Variants in CDH26 observed in about 807,000 individuals in gnomAD.
The protein encoded by CDH26 is cadherin 26.
Under a neutral mutation model 90.3 loss-of-function variants are expected in CDH26, and 83 were observed. The observed-to-expected ratio is 0.92, with a 90% CI of 0.77 to 1.10. The LOEUF is 1.10. CDH26 is among the 50% of genes least tolerant of loss of function. The pLI is 0.00. For missense variants in CDH26, 1,013 were observed against 1,037.6 expected, an observed-to-expected ratio of 0.98 and a Z score of 0.33; for synonymous variants, 397 against 396.3, an observed-to-expected ratio of 1.00 and a Z score of -0.02.
Position 60,012,905 on chromosome 20 carries a change from C to G in CDH26, c.*175C>G, listed in dbSNP as rs1163643333. 1.7e-6 allele frequency: 1 copy of G among 576,800 alleles called. No homozygotes were observed. Among genetic ancestry groups the G allele is most frequent in the African/African-American group, 1.9e-5 (1 of 52,818 alleles). 35.7% of individuals were successfully genotyped at this position (576,800 alleles called of 1,614,324 possible). A position where few individuals can be genotyped will look rare whatever the true frequency, so the allele number is the denominator to read the frequency against. Reference sequence around the variant, plus strand: ...GCTTTGATATTCTCAGATCAGCCATCTTGAACCAAAGCAAAACCACAAGTT... The same window carrying G: ...GCTTTGATATTCTCAGATCAGCCATGTTGAACCAAAGCAAAACCACAAGTT... On this transcript the variant is annotated 3_prime_UTR_variant, in exon 18 of 18. Coordinates refer to ENST00000348616, the MANE Select transcript of CDH26 (RefSeq NM_177980.4).
At chr20:59,968,045 CTCTCTCTG>C (rs1401864012) in intron 1 of CDH26, among the ~76,000 whole-genome samples, 1 of 129,138 alleles carries the variant, frequency 7.7e-6, no homozygotes, top group Non-Finnish European at 1.5e-5. Flanking sequence ...CTCTCTCTCT[CTCTCTCTG>C]TCTCTCTCTC....
intron 4 of CDH26, 91 bp downstream of exon 4, chr20:59,972,214 C>A: frequency 1.6e-6 from 2 of 1,234,282 alleles, no homozygotes; most frequent in Non-Finnish European, 2.3e-6. Flanking sequence ...TGACTATGTG[C>A]CAGGTTCCGG....
At chr20:60,004,793 A>G (rs554490321) in intron 16 of CDH26, among the ~76,000 whole-genome samples, 261 of 151,780 alleles carry the variant, frequency 1.7e-3, no homozygotes, top group Non-Finnish European at 2.3e-3. Context: ...AAAGAAAAGA[A>G]AAAAACACCT....
chr20:60,029,429 A>ATAGCACCTATAGTCAACAACT (rs2062024035), intron 7 of CDH26, among the ~76,000 whole-genome samples: 1 of 120,016 alleles, frequency 8.3e-6, no homozygotes, highest in Admixed American at 8.1e-5. Flanking sequence ...AGTCAACAAC[A>ATAGCACCTATAGTCAACAACT]TAGCACCTAT....
chr20:60,001,212 C>T, intron 14 of CDH26, 131 bp from the exon 15 acceptor site: 1 of 1,100,918 alleles, frequency 9.1e-7, no homozygotes, highest in South Asian at 1.4e-5. Flanking sequence ...CCCTCCCTCT[C>T]ATCGTGTTAA....
At chr20:59,989,848 GT>G (rs968043523) in intron 9 of CDH26, among the ~76,000 whole-genome samples, 2 of 151,928 alleles carry the variant, frequency 1.3e-5, no homozygotes, top group Non-Finnish European at 2.9e-5. Context: ...AAAAGTGAGG[GT>G]TTTTTTTGTA....
At chr20:59,964,021 C>A (rs2035925518) in intron 1 of CDH26, among the ~76,000 whole-genome samples, 1 of 152,194 alleles carries the variant, frequency 6.6e-6, no homozygotes, top group African/African-American at 2.4e-5. Flanking sequence ...TATGGCTAGT[C>A]ATTACTTGTC....
Position 60,012,421 on chromosome 20 carries a change from G to A in CDH26, c.2296-106G>A, listed in dbSNP as rs1163203579. Reference sequence around the variant, plus strand: ...TGTCAGCTGAGGACACGGGGCCTGAGTGCTGTTACTACTGCATTGATGTGT... The same window carrying A: ...TGTCAGCTGAGGACACGGGGCCTGAATGCTGTTACTACTGCATTGATGTGT... On this transcript the variant is annotated intron_variant, in intron 17 of 17. Coordinates refer to ENST00000348616, the MANE Select transcript of CDH26 (RefSeq NM_177980.4). The A allele has an allele frequency of 2.9e-6, 3 of 1,023,408 alleles. No homozygotes were observed. The South Asian group carries it at 4.8e-5, about 16-fold the overall frequency. 63.4% of individuals were successfully genotyped at this position (1,023,408 alleles called of 1,614,324 possible). A position where few individuals can be genotyped will look rare whatever the true frequency, so the allele number is the denominator to read the frequency against.
intron 7 of CDH26, among the ~76,000 whole-genome samples, chr20:60,022,771 G>A (rs1272299042): frequency 6.6e-6 from 1 of 151,938 alleles, no homozygotes. Context: ...CTGCTATGAA[G>A]AAGGAGAAGG....
exon 9 of CDH26, chr20:60,033,502 T>C: frequency 7.7e-7 from 1 of 1,304,268 alleles, no homozygotes; most frequent in South Asian, 1.2e-5. Flanking sequence ...AGAACAAGGC[T>C]GGGAGAAAGC....
chr20:59,987,537 G>A lies in CDH26; in HGVS notation c.922G>A (p.Ala308Thr). Residue 308 changes from alanine (A) to threonine (T), a missense_variant, in exon 8 of 18, where the codon GCT becomes ACT. Coordinates refer to ENST00000348616, the MANE Select transcript of CDH26 (RefSeq NM_177980.4). Reference sequence around the variant, plus strand: ...AGATCGAGATTCTCCATTTACATCAGCTTGGAGAGCAAAATTCAACATATT... The same window carrying A: ...AGATCGAGATTCTCCATTTACATCAACTTGGAGAGCAAAATTCAACATATT... The part of the protein sequence containing the change: ...VQDRDSPFTS[A>T]WRAKFNILHG... The A allele has an allele frequency of 6.2e-7, 1 of 1,614,000 alleles. No homozygotes were observed. The highest frequency in any genetic ancestry group is 8.5e-7 in the Non-Finnish European group (1 of 1,179,942).
At chr20:59,958,852 G>A in intron 1 of CDH26, 57 bp downstream of exon 1, 2 of 1,548,694 alleles carry the variant, frequency 1.3e-6, no homozygotes, top group Admixed American at 1.9e-5. Context: ...CAAAGCACAA[G>A]CTGGCCCTGC....
intron 3 of CDH26, 111 bp from the exon 4 acceptor site, chr20:59,971,851 G>T (rs2061264951): frequency 2.5e-6 from 2 of 790,044 alleles, no homozygotes; most frequent in Middle Eastern, 3.8e-4. Flanking sequence ...ATGTGCCATT[G>T]CTGGGTATAA....
intron 1 of CDH26, among the ~76,000 whole-genome samples, chr20:59,967,888 C>CTCTCT (rs1569024377): frequency 8.6e-6 from 1 of 116,144 alleles, no homozygotes; most frequent in African/African-American, 4.5e-5. Flanking sequence ...TTCCTTCCTT[C>CTCTCT]CTTCCTTCCT....
chr20:60,001,563 C>T (rs1234579177), intron 15 of CDH26, 152 bp downstream of exon 15: 2 of 1,418,330 alleles, frequency 1.4e-6, no homozygotes, highest in African/African-American at 1.4e-5. Context: ...CTTTTTCCAC[C>T]CGACTCTATT....
chr20:60,004,692 G>T (rs893838634), intron 16 of CDH26, among the ~76,000 whole-genome samples: 4 of 151,122 alleles, frequency 2.6e-5, no homozygotes, highest in Admixed American at 6.6e-5. Context: ...CATGAACCTG[G>T]GAGGCGGCGC....
At chr20:59,980,419 C>CGAGTA (rs1231064544) in intron 4 of CDH26, among the ~76,000 whole-genome samples, 1 of 152,014 alleles carries the variant, frequency 6.6e-6, no homozygotes, top group Non-Finnish European at 1.5e-5. Context: ...CTCAGCCTCC[C>CGAGTA]GAGTAGCTGG....
At chr20:59,969,379 A>T (rs1009024637) in intron 2 of CDH26, among the ~76,000 whole-genome samples, 5 of 152,212 alleles carry the variant, frequency 3.3e-5, no homozygotes, top group African/African-American at 9.6e-5. Flanking sequence ...CCATATCCTC[A>T]TGCCACGTTG....
chr20:59,958,870 A>C, intron 1 of CDH26, 75 bp downstream of exon 1: 1 of 1,445,904 alleles, frequency 6.9e-7, no homozygotes, highest in Non-Finnish European at 9.5e-7. Flanking sequence ...TGCCCCTTCT[A>C]GGCTAAGGGA....
Sources: gnomAD v4.1 joint callset for allele counts (sites outside exome capture counted in the v4.1 genomes callset) on GRCh38, gnomAD v4.1.1 for gene constraint, MANE v1.5 for transcripts, NCBI Gene and HGNC (gene_info 2026-07-23, HGNC 2026-07-21) for gene names.